The following ARHGAP32 variants were observed in gnomAD, a reference collection of about 807,000 sequenced individuals.
ARHGAP32 encodes rho GTPase-activating protein 32.
Under a neutral mutation model 186.5 loss-of-function variants are expected in ARHGAP32, and 51 were observed. The observed-to-expected ratio is 0.27, with a 90% confidence interval of 0.22 to 0.35. ARHGAP32 has a LOEUF of 0.35. ARHGAP32 is among the 10% of genes least tolerant of loss of function. The pLI is 1.00. For synonymous variants in ARHGAP32, 950 were observed against 964.3 expected (o/e 0.99, Z 0.27); for missense variants, 2,186 against 2,623.5 (o/e 0.83, Z 3.64).
intron 11 of ARHGAP32, among the ~76,000 whole-genome samples, chr11:129,014,381 C>T (rs1039707971): frequency 6.6e-6 from 1 of 152,140 alleles, no homozygotes; most frequent in Admixed American, 6.5e-5. Flanking sequence ...ATTACACCAG[C>T]GTAATACTTC....
intron 11 of ARHGAP32, among the ~76,000 whole-genome samples, chr11:129,002,225 T>C (rs11221534): frequency 0.19 from 28,294 of 152,142 alleles, 2,793 homozygotes; most frequent in Non-Finnish European, 0.21. Flanking sequence ...TCCGAATCCA[T>C]GAACGTGGAA....
chr11:129,249,219 A>C (rs770390730), intron 1 of ARHGAP32, among the ~76,000 whole-genome samples: 1 of 152,142 alleles, frequency 6.6e-6, no homozygotes, highest in African/African-American at 2.4e-5. Flanking sequence ...CCAAAAAAAA[A>C]CTTTGCAGTC....
chr11:129,065,892 G>A (rs1484172083), intron 7 of ARHGAP32, among the ~76,000 whole-genome samples: 1 of 152,052 alleles, frequency 6.6e-6, no homozygotes, highest in Non-Finnish European at 1.5e-5. Flanking sequence ...TCTTATAAAT[G>A]ACTTGGCTTG....
chr11:129,037,741 A>G (rs1939411330), intron 11 of ARHGAP32, among the ~76,000 whole-genome samples: 1 of 151,934 alleles, frequency 6.6e-6, no homozygotes, highest in African/African-American at 2.4e-5. Flanking sequence ...AGGATGACTT[A>G]CACTTCCCCA....
At chr11:129,019,992 T>C (rs534186540) in intron 11 of ARHGAP32, among the ~76,000 whole-genome samples, 11 of 152,128 alleles carry the variant, frequency 7.2e-5, no homozygotes, top group Middle Eastern at 3.4e-3. Context: ...ATTAGTAATA[T>C]GAAAAATGAG....
intron 10 of ARHGAP32, among the ~76,000 whole-genome samples, chr11:129,061,538 A>T (rs11221555): frequency 0.15 from 22,813 of 152,146 alleles, 1,929 homozygotes; most frequent in African/African-American, 0.22. Context: ...TCAAATAAGG[A>T]TTACTTGAAC....
At chr11:129,121,377 T>C (rs1417189308) in intron 5 of ARHGAP32, among the ~76,000 whole-genome samples, 2 of 152,068 alleles carry the variant, frequency 1.3e-5, no homozygotes, top group Non-Finnish European at 2.9e-5. Context: ...TGGGTTGAAT[T>C]CAACCAGAAG....
intron 11 of ARHGAP32, among the ~76,000 whole-genome samples, chr11:129,024,497 A>G (rs1451949159): frequency 6.6e-6 from 1 of 152,222 alleles, no homozygotes; most frequent in Admixed American, 6.5e-5. Context: ...AAACAACAGG[A>G]TAGGCTGAGA....
chr11:129,252,968 T>G (rs1231153675), intron 1 of ARHGAP32, among the ~76,000 whole-genome samples: 2 of 152,152 alleles, frequency 1.3e-5, no homozygotes, highest in Admixed American at 1.3e-4. Context: ...AAGAATGAAC[T>G]GGAATCAGTT....
At position 128,969,475 on chromosome 11, in the gene ARHGAP32, T is replaced by C; in HGVS notation, c.5738A>G (p.Gln1913Arg). The change falls in exon 23 of 23, where the codon CAG becomes CGG. Residue 1913 changes from glutamine to arginine, a missense_variant. By Grantham distance (43) the Gln-to-Arg change is conservative. Coordinates refer to ENST00000682385, the MANE Select transcript of ARHGAP32 (RefSeq NM_001378024.1). The surrounding 1 kb of genome is among the most constrained non-coding windows in gnomAD (Gnocchi z 4.8). Reference sequence around the variant, plus strand: ...CCCATAATCTAACTGGCCAGCTCCCTGGGGATAAGGGGGCCCATTCTTTGA... The same window carrying C: ...CCCATAATCTAACTGGCCAGCTCCCCGGGGATAAGGGGGCCCATTCTTTGA... ...CESKNGPPYPQGAGQLDYGSK... is the reference protein window; with the variant it reads ...CESKNGPPYPRGAGQLDYGSK... 6.2e-7 allele frequency: 1 copy of C among 1,614,190 alleles called. No homozygotes were observed.
At chr11:128,976,703 T>C (rs1184022536) in intron 19 of ARHGAP32, 69 bp from the exon 20 acceptor site, 1 of 1,316,606 alleles carries the variant, frequency 7.6e-7, no homozygotes, top group Non-Finnish European at 1.1e-6. Flanking sequence ...GGGATCGGTG[T>C]TTTTCTTGAT....
chr11:129,100,349 G>A (rs1941857916), intron 5 of ARHGAP32, among the ~76,000 whole-genome samples: 1 of 152,164 alleles, frequency 6.6e-6, no homozygotes, highest in Non-Finnish European at 1.5e-5. Context: ...GGCCACACAT[G>A]CTTGCAGGGC....
chr11:129,107,032 G>A (rs1942066374), intron 5 of ARHGAP32, among the ~76,000 whole-genome samples: 1 of 151,898 alleles, frequency 6.6e-6, no homozygotes, highest in South Asian at 2.1e-4. Context: ...CAAAAGACAA[G>A]GTCAAAGAGA....
intron 6 of ARHGAP32, among the ~76,000 whole-genome samples, chr11:129,084,085 A>G (rs1163288259): frequency 6.6e-6 from 1 of 151,830 alleles, no homozygotes; most frequent in Non-Finnish European, 1.5e-5. Flanking sequence ...ATTTTTAAAA[A>G]GATACATCCA....
At chr11:129,234,976 T>C (rs1944909268) in intron 1 of ARHGAP32, among the ~76,000 whole-genome samples, 1 of 152,180 alleles carries the variant, frequency 6.6e-6, no homozygotes, top group Admixed American at 6.6e-5. Flanking sequence ...ACCTGGACCC[T>C]GTAAAGACTG....
chr11:129,105,755 A>G (rs1394648431), intron 5 of ARHGAP32, among the ~76,000 whole-genome samples: 1 of 152,200 alleles, frequency 6.6e-6, no homozygotes, highest in African/African-American at 2.4e-5. Flanking sequence ...ATACAAAGAA[A>G]CAGGAAAGCA....
chr11:128,969,707 C>T lies in ARHGAP32; in HGVS notation c.5506G>A (p.Glu1836Lys), dbSNP rs138669502. ...CTCCTATAGAAGCGGTCCTCTCCCT[C>T]GGGACTGATGGCCTTGGCTGCATGG... ...SRHAAKAISPEGEDRFYRRHP... is the reference protein window; with the variant it reads ...SRHAAKAISPKGEDRFYRRHP... The change falls in exon 23 of 23, where the codon GAG becomes AAG. Residue 1836 changes from glutamate to lysine, a missense_variant. This residue lies in a region of ARHGAP32 where 1,502 missense variants were observed against 1,570.0 expected (regional missense o/e 0.96). Transcript: ENST00000682385. This position sits in a 1 kb window ranked among gnomAD's most constrained non-coding sequence, Gnocchi z 4.8. 171 of 1,614,096 alleles carry T rather than the reference C, an allele frequency of 1.1e-4. No individual in the cohort carries two copies. Among genetic ancestry groups the T allele is most frequent in the Non-Finnish European group, 1.4e-4 (162 of 1,180,048 alleles).
At chr11:129,196,560 G>T (rs192874003), upstream of ARHGAP32, among the ~76,000 whole-genome samples, 29 of 152,256 alleles carry the variant, frequency 1.9e-4, no homozygotes, top group East Asian at 5.4e-3. Flanking sequence ...TCCTGGAAAC[G>T]ATTTCCCCAT....
At chr11:129,263,030 C>A (rs1247212996) in intron 1 of ARHGAP32, among the ~76,000 whole-genome samples, 4 of 152,030 alleles carry the variant, frequency 2.6e-5, no homozygotes, top group African/African-American at 7.2e-5. Flanking sequence ...TTCTGAGAAA[C>A]CTGGATATTC....
Sources: allele counts gnomAD v4.1 joint callset (sites outside exome capture counted in the v4.1 genomes callset), GRCh38; gene constraint gnomAD v4.1.1; regional missense constraint gnomAD v4.1.1; non-coding constraint Gnocchi (gnomAD v3.1); transcripts MANE v1.5; gene names NCBI Gene and HGNC (gene_info 2026-07-23, HGNC 2026-07-21).